Variants in LINGO2 observed in about 807,000 individuals in gnomAD.
LINGO2 encodes the protein leucine-rich repeat and immunoglobulin-like domain-containing nogo receptor-interacting protein 2.
Under a neutral mutation model 30.6 loss-of-function variants are expected in LINGO2, and 14 were observed. That is an observed-to-expected ratio of 0.46 (90% confidence interval 0.30 to 0.72). The LOEUF is 0.72. Ranked by LOEUF, LINGO2 falls within the 30% of genes least tolerant of loss-of-function variation. The probability of loss-of-function intolerance (pLI) is 0.07; values close to 1 mark genes in which losing one functional copy is unlikely to be tolerated. For synonymous variants in LINGO2, 317 were observed against 288.5 expected, an observed-to-expected ratio of 1.10 and a Z score of -1.00; for missense variants, 729 against 751.7, an observed-to-expected ratio of 0.97 and a Z score of 0.35.
intron 2 of LINGO2, among the ~76,000 whole-genome samples, chr9:28,472,905 T>C (rs1825584140): frequency 6.6e-6 from 1 of 152,328 alleles, no homozygotes; most frequent in Non-Finnish European, 1.5e-5. Flanking sequence ...TGTACTTTAA[T>C]ATATCCAATC....
chr9:28,559,622 C>A (rs1822933716), intron 1 of LINGO2, among the ~76,000 whole-genome samples: 1 of 152,046 alleles, frequency 6.6e-6, no homozygotes, highest in Non-Finnish European at 1.5e-5. Context: ...TTATTATTTT[C>A]TTTCAACCCA....
chr9:28,959,192 A>C, the LINGO2 span, among the ~76,000 whole-genome samples: 1 of 120,568 alleles, frequency 8.3e-6, no homozygotes, highest in African/African-American at 2.8e-5. Context: ...GAAATGAGAA[A>C]TAAACCTATG....
chr9:28,211,857 C>T (rs926346896), intron 4 of LINGO2, among the ~76,000 whole-genome samples: 1 of 151,210 alleles, frequency 6.6e-6, no homozygotes, highest in African/African-American at 2.4e-5. Context: ...TCTCTCTCTC[C>T]CTTCCTTCCT....
chr9:27,964,127 G>A (rs1175414636), intron 5 of LINGO2, among the ~76,000 whole-genome samples: 1 of 151,916 alleles, frequency 6.6e-6, no homozygotes, highest in Non-Finnish European at 1.5e-5. Flanking sequence ...ACTTATTTAT[G>A]GTAAGGAAGG....
the LINGO2 span, among the ~76,000 whole-genome samples, chr9:29,040,490 C>G: frequency 6.6e-6 from 1 of 151,612 alleles, no homozygotes; most frequent in Non-Finnish European, 1.5e-5. Flanking sequence ...TACTGGTTAT[C>G]TACTCCCAAT....
At chr9:28,277,035 A>G (rs1410985251) in intron 4 of LINGO2, among the ~76,000 whole-genome samples, 1 of 152,088 alleles carries the variant, frequency 6.6e-6, no homozygotes, top group Non-Finnish European at 1.5e-5. Flanking sequence ...TCTCATTTAC[A>G]CACTCAAACT....
At chr9:28,383,265 T>C (rs1166740609) in intron 2 of LINGO2, among the ~76,000 whole-genome samples, 1,942 of 151,626 alleles carry the variant, frequency 0.013, 39 homozygotes, top group African/African-American at 0.043. Context: ...TGTGTGTGTG[T>C]GTGTGTGTGT....
chr9:28,634,384 T>C (rs565006448), intron 1 of LINGO2, among the ~76,000 whole-genome samples: 1 of 152,046 alleles, frequency 6.6e-6, no homozygotes, highest in Non-Finnish European at 1.5e-5. Flanking sequence ...ACATATAATA[T>C]AAACATACCT....
chr9:28,058,529 A>G (rs115394650), intron 4 of LINGO2, among the ~76,000 whole-genome samples: 125 of 152,326 alleles, frequency 8.2e-4, no homozygotes, highest in African/African-American at 3.0e-3. Flanking sequence ...CACTAAATAA[A>G]TGTTATGAAG....
At chr9:28,355,299 GTCTCTCTC>G (rs3065608) in intron 3 of LINGO2, among the ~76,000 whole-genome samples, 4,055 of 120,956 alleles carry the variant, frequency 0.034, 130 homozygotes, top group African/African-American at 0.047. Context: ...CTCTCTCTAT[GTCTCTCTC>G]TCTCTCTCTC....
intron 3 of LINGO2, among the ~76,000 whole-genome samples, chr9:28,339,366 G>A (rs923050220): frequency 9.9e-5 from 15 of 152,130 alleles, no homozygotes; most frequent in African/African-American, 3.6e-4. Flanking sequence ...TTTAGAAAGT[G>A]AAAATTGAAG....
intron 2 of LINGO2, among the ~76,000 whole-genome samples, chr9:28,376,636 A>G (rs1381865535): frequency 1.3e-5 from 2 of 152,208 alleles, no homozygotes; most frequent in Non-Finnish European, 2.9e-5. Context: ...TTAATATTGT[A>G]CTACAAAGAC....
At chr9:28,730,328 G>A in the LINGO2 span, among the ~76,000 whole-genome samples, 44 of 152,272 alleles carry the variant, frequency 2.9e-4, no homozygotes, top group African/African-American at 1.1e-3. Context: ...ATCTGTTTAG[G>A]GCTGTCATTG....
Position 28,248,003 on chromosome 9 carries a change from T to C in LINGO2, c.-87+47205A>G, listed in dbSNP as rs143524507. On this transcript the variant is annotated intron_variant, in intron 4 of 5. Coordinates refer to ENST00000379992, the Ensembl canonical transcript of LINGO2. ...GAAAAAAGGCAACCCTCATACACTG[T>C]TGGTTGGAATGTAAATTGGTACAAC... Among the ~76,000 whole-genome samples the C allele has an allele frequency of 6.5e-3, 996 of 152,322 alleles. 18 individuals carry two copies. The highest frequency in any genetic ancestry group is 0.022 in the African/African-American group (925 of 41,580).
At chr9:28,276,587 C>T (rs1823122384) in intron 4 of LINGO2, among the ~76,000 whole-genome samples, 1 of 152,184 alleles carries the variant, frequency 6.6e-6, no homozygotes, top group African/African-American at 2.4e-5. Flanking sequence ...TCCCTTCCAT[C>T]TGTTGGAAAA....
intron 4 of LINGO2, among the ~76,000 whole-genome samples, chr9:28,217,526 A>G (rs1820811211): frequency 6.6e-6 from 1 of 152,214 alleles, no homozygotes; most frequent in South Asian, 2.1e-4. Context: ...CTATAAGAGC[A>G]AACACCACCA....
At chr9:28,288,002 T>C (rs1020769204) in intron 4 of LINGO2, among the ~76,000 whole-genome samples, 1 of 152,206 alleles carries the variant, frequency 6.6e-6, no homozygotes, top group African/African-American at 2.4e-5. Flanking sequence ...TTCCAGGCAC[T>C]ACAGATACAA....
chr9:28,904,647 GTGAA>G, the LINGO2 span, among the ~76,000 whole-genome samples: 1 of 151,880 alleles, frequency 6.6e-6, no homozygotes, highest in Non-Finnish European at 1.5e-5. Context: ...AACTGAGTAA[GTGAA>G]TGGCCTGTAC....
chr9:28,447,789 A>G (rs192622255), intron 2 of LINGO2, among the ~76,000 whole-genome samples: 66 of 152,314 alleles, frequency 4.3e-4, no homozygotes, highest in Middle Eastern at 3.4e-3. Context: ...AAAACTTTAC[A>G]TTACTTGCTT....
Sources: gnomAD v4.1 joint callset for allele counts (sites outside exome capture counted in the v4.1 genomes callset) on GRCh38, gnomAD v4.1.1 for gene constraint, MANE v1.5 for transcripts, NCBI Gene and HGNC (gene_info 2026-07-23, HGNC 2026-07-21) for gene names.